Variants in MDFIC2 observed in about 807,000 individuals in gnomAD.
MDFIC2 encodes myoD family inhibitor domain-containing protein 2.
chr3:70,243,912 C>T (rs1271196457), intron 2 of MDFIC2, among the ~76,000 whole-genome samples: 2 of 152,122 alleles, frequency 1.3e-5, no homozygotes, highest in East Asian at 3.8e-4. Context: ...TCTATAGTTT[C>T]CTAGAGTAAG....
intron 2 of MDFIC2, among the ~76,000 whole-genome samples, chr3:70,240,755 A>G (rs1701659893): frequency 6.6e-6 from 1 of 152,180 alleles, no homozygotes; most frequent in Non-Finnish European, 1.5e-5. Flanking sequence ...ACGAGAAGAC[A>G]GAAGCAAGCC....
At chr3:70,304,408 A>C (rs537276636) in intron 2 of MDFIC2, among the ~76,000 whole-genome samples, 1 of 152,288 alleles carries the variant, frequency 6.6e-6, no homozygotes, top group African/African-American at 2.4e-5. Flanking sequence ...TGCCCAGTTG[A>C]CAGTTTCCAT....
intron 2 of MDFIC2, among the ~76,000 whole-genome samples, chr3:70,277,114 T>C (rs1241199358): frequency 6.6e-6 from 1 of 152,154 alleles, no homozygotes; most frequent in Non-Finnish European, 1.5e-5. Flanking sequence ...ATTGGCTAAG[T>C]CTGTGTGATT....
At chr3:70,201,682 C>T (rs1701240760) in intron 3 of MDFIC2, among the ~76,000 whole-genome samples, 1 of 152,198 alleles carries the variant, frequency 6.6e-6, no homozygotes, top group African/African-American at 2.4e-5. Context: ...AACTAGGAAT[C>T]CAACCTGCCT....
chr3:70,243,416 G>A (rs1437561584), intron 2 of MDFIC2, among the ~76,000 whole-genome samples: 1 of 152,150 alleles, frequency 6.6e-6, no homozygotes, highest in Non-Finnish European at 1.5e-5. Flanking sequence ...GAAATTCTGT[G>A]TGCAGCAGCT....
intron 2 of MDFIC2, among the ~76,000 whole-genome samples, chr3:70,209,661 G>A (rs1007291610): frequency 6.6e-6 from 1 of 152,048 alleles, no homozygotes; most frequent in Non-Finnish European, 1.5e-5. Context: ...AAAGCTTTGT[G>A]CTTGTCCTTT....
chr3:70,287,974 A>G (rs1341495995), intron 2 of MDFIC2, among the ~76,000 whole-genome samples: 4 of 151,870 alleles, frequency 2.6e-5, no homozygotes, highest in Admixed American at 2.0e-4. Context: ...TCTTGCTAGC[A>G]GTCTATCTCT....
chr3:70,294,749 A>T (rs531149313), intron 2 of MDFIC2, among the ~76,000 whole-genome samples: 36 of 152,302 alleles, frequency 2.4e-4, no homozygotes, highest in African/African-American at 6.0e-4. Context: ...TTAAGAATCC[A>T]GATTTTTTTC....
At chr3:70,264,179 A>G (rs1159875253) in intron 2 of MDFIC2, among the ~76,000 whole-genome samples, 1 of 152,236 alleles carries the variant, frequency 6.6e-6, no homozygotes, top group Non-Finnish European at 1.5e-5. Context: ...ATTTTAAAAT[A>G]TATACAGATG....
At chr3:70,274,235 A>G (rs560812257) in intron 2 of MDFIC2, among the ~76,000 whole-genome samples, 1 of 152,120 alleles carries the variant, frequency 6.6e-6, no homozygotes, top group Admixed American at 6.5e-5. Context: ...ATATGTTTTA[A>G]TACTCTCAGT....
intron 3 of MDFIC2, among the ~76,000 whole-genome samples, chr3:70,202,463 G>A (rs1701249200): frequency 1.3e-5 from 2 of 152,142 alleles, no homozygotes; most frequent in Admixed American, 1.3e-4. Flanking sequence ...ACTGTTCACT[G>A]TATTTGACTT....
intron 2 of MDFIC2, among the ~76,000 whole-genome samples, chr3:70,224,364 T>C (rs757038193): frequency 3.3e-5 from 5 of 152,160 alleles, no homozygotes; most frequent in Non-Finnish European, 7.4e-5. Flanking sequence ...CAAACTTCCA[T>C]GGCTGAGCTG....
At chr3:70,309,088 G>T (rs1364893513) in intron 2 of MDFIC2, among the ~76,000 whole-genome samples, 1 of 152,104 alleles carries the variant, frequency 6.6e-6, no homozygotes, top group African/African-American at 2.4e-5. Context: ...AGTGAGGGAG[G>T]TTGGAGGTCG....
intron 3 of MDFIC2, among the ~76,000 whole-genome samples, chr3:70,198,275 A>G (rs1205116637): frequency 1.3e-5 from 2 of 152,048 alleles, no homozygotes; most frequent in Admixed American, 1.3e-4. Context: ...AAGGATCTGT[A>G]TTTTTCCCAA....
intron 2 of MDFIC2, among the ~76,000 whole-genome samples, chr3:70,242,309 A>G (rs1475409249): frequency 6.6e-6 from 1 of 152,224 alleles, no homozygotes; most frequent in Non-Finnish European, 1.5e-5. Flanking sequence ...GGAAAAACAC[A>G]TAGTGACATC....
At chr3:70,236,583 C>T (rs72943317) in intron 2 of MDFIC2, among the ~76,000 whole-genome samples, 15,843 of 151,986 alleles carry the variant, frequency 0.1, 1,503 homozygotes, top group African/African-American at 0.26. Context: ...TGTAAATTGA[C>T]CCTTATTTTA....
intron 2 of MDFIC2, among the ~76,000 whole-genome samples, chr3:70,293,663 C>T (rs1702261978): frequency 6.6e-6 from 1 of 151,952 alleles, no homozygotes; most frequent in African/African-American, 2.4e-5. Flanking sequence ...CTGTTCCTTT[C>T]CTTCCATTTT....
At chr3:70,289,720 T>C (rs890392946) in intron 2 of MDFIC2, among the ~76,000 whole-genome samples, 3 of 152,224 alleles carry the variant, frequency 2.0e-5, no homozygotes, top group African/African-American at 7.2e-5. Context: ...ATTTGGTCTT[T>C]TCACATAGTC....
intron 2 of MDFIC2, among the ~76,000 whole-genome samples, chr3:70,233,986 T>C (rs552621808): frequency 6.6e-6 from 1 of 152,348 alleles, no homozygotes; most frequent in African/African-American, 2.4e-5. Flanking sequence ...TTCTCTTGGC[T>C]AAAACTCTAG....
Sources: allele counts gnomAD v4.1 joint callset (sites outside exome capture counted in the v4.1 genomes callset), GRCh38; gene constraint gnomAD v4.1.1; transcripts MANE v1.5; gene names NCBI Gene and HGNC (gene_info 2026-07-23, HGNC 2026-07-21).